The following NSMCE2 variants were observed in gnomAD, a reference collection of about 807,000 sequenced individuals.
NSMCE2 encodes the protein E3 SUMO-protein ligase NSE2.
In NSMCE2, 24 loss-of-function variants were observed where a neutral mutation model predicts 23.8. The observed-to-expected ratio is 1.01, with a 90% CI of 0.73 to 1.42. The LOEUF (loss-of-function observed/expected upper bound fraction) is 1.42, where lower values mean the gene tolerates loss of function less well. Ranked by LOEUF, NSMCE2 falls within the 40% of genes most tolerant of loss-of-function variation. The pLI is 0.00. For synonymous variants in NSMCE2, 92 were observed against 94.1 expected (o/e 0.98, Z 0.13); for missense variants, 284 against 296.5 (o/e 0.96, Z 0.31).
intron 4 of NSMCE2, chr8:125,156,097 T>C (rs1038247043): frequency 1.4e-5 from 5 of 357,680 alleles, no homozygotes; most frequent in Non-Finnish European, 2.7e-5. Flanking sequence ...CTGGACAACA[T>C]AGTAAGACTC....
At chr8:125,285,263 G>A (rs547075167) in intron 5 of NSMCE2, among the ~76,000 whole-genome samples, 79 of 150,508 alleles carry the variant, frequency 5.2e-4, no homozygotes, top group African/African-American at 8.8e-4. Flanking sequence ...CCAGAGCTTA[G>A]GAGAATAAAA....
rs553942139 is a variant in NSMCE2 at position 125,151,154 on chromosome 8, A to AT, written c.158-8dup. On this transcript the variant is annotated splice_polypyrimidine_tract_variant and intron_variant, in intron 3 of 7. Coordinates refer to ENST00000287437, the MANE Select transcript of NSMCE2 (RefSeq NM_173685.4). ...TTTTAAATGGAAAATAATAATTGCA[A>AT]TTTTTTTTTCTTTCAGCTGAAGTGA... The AT allele has an allele frequency of 1.3e-3, 1,837 of 1,381,122 alleles. No individual in the cohort carries two copies. The highest frequency in any genetic ancestry group is 2.1e-3 in the South Asian group (174 of 81,242). 85.6% of individuals were successfully genotyped at this position (1,381,122 alleles called of 1,614,324 possible).
chr8:125,118,866 TA>T (rs1372242016), intron 3 of NSMCE2, among the ~76,000 whole-genome samples: 2 of 152,152 alleles, frequency 1.3e-5, no homozygotes, highest in Non-Finnish European at 2.9e-5. Context: ...TTTCACAAAA[TA>T]AAAATAAACA....
At chr8:125,130,213 G>T (rs1819699194) in intron 3 of NSMCE2, 2 of 455,596 alleles carry the variant, frequency 4.4e-6, no homozygotes, top group South Asian at 3.1e-5. Flanking sequence ...TGCGTTACAG[G>T]TTTTTGGGAA....
intron 5 of NSMCE2, among the ~76,000 whole-genome samples, chr8:125,292,231 AAGG>A (rs1563766931): frequency 1.3e-5 from 2 of 151,930 alleles, no homozygotes; most frequent in Non-Finnish European, 2.9e-5. Context: ...AAAAAAAAAA[AAGG>A]AGAAGAAGAA....
At chr8:125,228,307 T>C (rs1225885547) in intron 5 of NSMCE2, among the ~76,000 whole-genome samples, 10 of 152,222 alleles carry the variant, frequency 6.6e-5, no homozygotes, top group Non-Finnish European at 1.5e-4. Context: ...ATTTATTCAA[T>C]TCCTTCCAGT....
At position 125,367,058 on chromosome 8, in the gene NSMCE2, A is replaced by G. The variant is rs1586828579; in HGVS notation, c.*173A>G. 3.0e-5 allele frequency: 17 copies of G among 561,658 alleles called. No individual in the cohort carries two copies. The East Asian group carries it at 4.8e-4, about 16-fold the overall frequency. 34.8% of individuals were successfully genotyped at this position (561,658 alleles called of 1,614,324 possible). On this transcript the variant is annotated 3_prime_UTR_variant, in exon 8 of 8. Transcript: ENST00000287437. The stretch of plus-strand genomic sequence containing the variant: ...CATTTTTCAAAGTTACACAACAGAA[A>G]TGCAATCATATTGTTTATTTTTAAG...
intron 5 of NSMCE2, among the ~76,000 whole-genome samples, chr8:125,200,320 C>G (rs1345910155): frequency 1.3e-5 from 2 of 151,264 alleles, no homozygotes; most frequent in East Asian, 3.9e-4. Flanking sequence ...ACCAGTTGTT[C>G]CTTTCCATGT....
intron 5 of NSMCE2, among the ~76,000 whole-genome samples, chr8:125,269,539 CTCA>C (rs1827089411): frequency 6.6e-6 from 1 of 152,162 alleles, no homozygotes. Context: ...ATTTCCTGTG[CTCA>C]TCATGGCTTG....
intron 5 of NSMCE2, among the ~76,000 whole-genome samples, chr8:125,258,188 G>A (rs1386475157): frequency 1.3e-5 from 2 of 152,160 alleles, no homozygotes; most frequent in Non-Finnish European, 2.9e-5. Flanking sequence ...AAAGCTGATG[G>A]ACTTAATTTT....
At chr8:125,106,948 A>T (rs1362152171) in intron 3 of NSMCE2, among the ~76,000 whole-genome samples, 1 of 151,684 alleles carries the variant, frequency 6.6e-6, no homozygotes, top group Non-Finnish European at 1.5e-5. Context: ...GTGAGCCGAG[A>T]TCACGCCACT....
In NSMCE2 at chr8:125,357,715, G is replaced by A. The variant is rs756476091; in HGVS notation, c.523G>A (p.Glu175Lys). 2 of 1,610,014 alleles carry A rather than the reference G, an allele frequency of 1.2e-6. No individual in the cohort carries two copies. The highest frequency in any genetic ancestry group is 1.7e-6 in the Non-Finnish European group (2 of 1,176,270). The stretch of plus-strand genomic sequence containing the variant: ...CCCAACATCTCCTTGATTACAGGAG[G>A]AAATGAAGAAGCCAGTGAAAAATAA... ...TNFTCPITKE[E>K]MKKPVKNKVC... The change falls in exon 7 of 8, where the codon GAA becomes AAA. Residue 175 changes from glutamate (E) to lysine (K), a missense_variant. Glu to Lys is a moderately conservative substitution (Grantham distance 56). Around this residue, in one of 2 missense-constraint regions of NSMCE2, gnomAD observed 102 missense variants for 141.0 expected, o/e 0.72. Transcript: ENST00000287437.
chr8:125,253,947 TCTC>T (rs1467483226), intron 5 of NSMCE2, among the ~76,000 whole-genome samples: 1 of 152,182 alleles, frequency 6.6e-6, no homozygotes, highest in Non-Finnish European at 1.5e-5. Flanking sequence ...CATCATGACT[TCTC>T]CTATAAGATT....
intron 7 of NSMCE2, among the ~76,000 whole-genome samples, chr8:125,359,037 C>A (rs984289699): frequency 6.6e-6 from 1 of 151,722 alleles, no homozygotes; most frequent in African/African-American, 2.4e-5. Flanking sequence ...GAGGCCGAGG[C>A]GGGTGGATCA....
At chr8:125,156,345 A>C (rs1821308037) in intron 4 of NSMCE2, 2 of 155,406 alleles carry the variant, frequency 1.3e-5, no homozygotes, top group Admixed American at 1.3e-4. Context: ...TCTGGATGTT[A>C]ATTTATTGAA....
At chr8:125,349,710 G>GA (rs1397435720) in intron 5 of NSMCE2, among the ~76,000 whole-genome samples, 10 of 152,182 alleles carry the variant, frequency 6.6e-5, no homozygotes, top group Non-Finnish European at 1.2e-4. Flanking sequence ...TGGGATGCCT[G>GA]AAGACAGACA....
intron 1 of NSMCE2, among the ~76,000 whole-genome samples, chr8:125,096,634 CTTTTTTTTTTTT>C (rs34656029): frequency 1.2e-5 from 1 of 80,436 alleles, no homozygotes; most frequent in Non-Finnish European, 2.1e-5. Context: ...GTGTGGAATC[CTTTTTTTTTTTT>C]TTTTTTTTTC....
intron 3 of NSMCE2, among the ~76,000 whole-genome samples, chr8:125,122,793 G>C (rs557851898): frequency 6.6e-6 from 1 of 151,986 alleles, no homozygotes. Context: ...TTAGCATAAG[G>C]TATTCTCACC....
chr8:125,278,899 A>C (rs10108305), intron 5 of NSMCE2, among the ~76,000 whole-genome samples: 119,264 of 151,704 alleles, frequency 0.79, 46,983 homozygotes, highest in Middle Eastern at 0.84. Context: ...ATTCAACTCA[A>C]ACCGAGAACC....
Sources: gnomAD v4.1 joint callset for allele counts (sites outside exome capture counted in the v4.1 genomes callset) on GRCh38, gnomAD v4.1.1 for gene constraint, gnomAD v4.1.1 regional missense constraint, MANE v1.5 for transcripts, NCBI Gene and HGNC (gene_info 2026-07-23, HGNC 2026-07-21) for gene names.